TRAPPC10: variants seen among roughly 807,000 people sequenced by gnomAD.
TRAPPC10 encodes trafficking protein particle complex subunit 10, also known as TRAPP 130 kDa subunit.
TRAPPC10 carries 23 observed loss-of-function variants against 125.5 expected under a neutral mutation model. The observed-to-expected ratio is 0.18, with a 90% CI of 0.13 to 0.26. The LOEUF (loss-of-function observed/expected upper bound fraction) is 0.26. TRAPPC10 is among the 10% of genes least tolerant of loss of function. TRAPPC10 has a pLI of 1.00. For synonymous variants in TRAPPC10, 509 were observed against 518.0 expected, an observed-to-expected ratio of 0.98 and a Z score of 0.24; for missense variants, 1,123 against 1,308.4, an observed-to-expected ratio of 0.86 and a Z score of 2.19.
At chr21:44,022,620 C>T (rs142185237) in intron 1 of TRAPPC10, among the ~76,000 whole-genome samples, 20 of 151,920 alleles carry the variant, frequency 1.3e-4, no homozygotes, top group Non-Finnish European at 2.6e-4. Flanking sequence ...GGGCCTAAAA[C>T]GTTTCTTAAT....
chr21:44,054,094 G>A (rs188770098), intron 4 of TRAPPC10, among the ~76,000 whole-genome samples: 460 of 152,168 alleles, frequency 3.0e-3, no homozygotes, highest in South Asian at 5.8e-3. Context: ...AATAAATGTT[G>A]GTAATTATAA....
At chr21:44,047,532 A>ATGTGTGTGTG (rs33940679) in intron 3 of TRAPPC10, among the ~76,000 whole-genome samples, 3,588 of 142,828 alleles carry the variant, frequency 0.025, 77 homozygotes, top group African/African-American at 0.06. Context: ...CTGGGGGAGT[A>ATGTGTGTGTG]TGTGTGTGTG....
intron 4 of TRAPPC10, among the ~76,000 whole-genome samples, chr21:44,053,460 G>T (rs1194585368): frequency 1.3e-5 from 2 of 151,996 alleles, no homozygotes; most frequent in Non-Finnish European, 2.9e-5. Flanking sequence ...GTATTAATGT[G>T]CCGTAAGTTA....
intron 6 of TRAPPC10, among the ~76,000 whole-genome samples, chr21:44,060,757 T>C (rs974803341): frequency 3.4e-5 from 5 of 148,666 alleles, no homozygotes; most frequent in African/African-American, 1.2e-4. Flanking sequence ...CATGCCACCA[T>C]ACCTGGCTAA....
chr21:44,084,592 C>A (rs773167265), intron 15 of TRAPPC10, among the ~76,000 whole-genome samples: 5 of 152,130 alleles, frequency 3.3e-5, no homozygotes, highest in Non-Finnish European at 5.9e-5. Context: ...ATGCAGAGGA[C>A]TTCTGGGCCC....
rs974183463 is a variant in TRAPPC10, at chr21:44,087,063, C to G, written c.2539+103C>G. 1 of 1,364,910 alleles carries G rather than the reference C, an allele frequency of 7.3e-7. No individual in the cohort carries two copies. Among genetic ancestry groups the G allele is most frequent in the Non-Finnish European group, 1.0e-6 (1 of 994,062 alleles). The allele number at this position is 1,364,910 out of a possible 1,614,324, so 84.5% of individuals were successfully genotyped here. On this transcript the variant is annotated intron_variant, in intron 16 of 22. Transcript: ENST00000291574. The surrounding 1 kb of genome is among the most constrained non-coding windows in gnomAD (Gnocchi z 4.6). ...CTTGCTGCCATCCTGCTGAGCGCCC[C>G]TCAACAGTGTCTGGAGTCCGTGTTC... is the stretch of plus-strand genomic sequence containing the variant.
intron 1 of TRAPPC10, among the ~76,000 whole-genome samples, chr21:44,013,315 G>A (rs2031393302): frequency 6.6e-6 from 1 of 152,232 alleles, no homozygotes; most frequent in Non-Finnish European, 1.5e-5. Context: ...ACTCTCCAGA[G>A]TTAAATACGG....
intron 1 of TRAPPC10, among the ~76,000 whole-genome samples, chr21:44,031,340 C>T (rs1569149527): frequency 6.6e-6 from 1 of 152,084 alleles, no homozygotes; most frequent in Non-Finnish European, 1.5e-5. Context: ...TCTTTTTTAG[C>T]CGAAGTGTAA....
chr21:44,091,495 A>C (rs2038575255), intron 18 of TRAPPC10, among the ~76,000 whole-genome samples: 1 of 151,940 alleles, frequency 6.6e-6, no homozygotes, highest in Non-Finnish European at 1.5e-5. Context: ...GCTGGAGTGC[A>C]GTGGCGTGAT....
At chr21:44,055,183 C>T (rs1374706423) in intron 4 of TRAPPC10, among the ~76,000 whole-genome samples, 2 of 152,136 alleles carry the variant, frequency 1.3e-5, no homozygotes, top group African/African-American at 4.8e-5. Context: ...GATTCTATAG[C>T]AAACTCTCCT....
intron 7 of TRAPPC10, among the ~76,000 whole-genome samples, chr21:44,064,586 T>G (rs1437709452): frequency 6.6e-6 from 1 of 152,184 alleles, no homozygotes; most frequent in African/African-American, 2.4e-5. Context: ...TAAGATCTCC[T>G]GAGTGAGTGG....
chr21:44,086,156 G>A (rs529590078), intron 15 of TRAPPC10, among the ~76,000 whole-genome samples: 3 of 152,198 alleles, frequency 2.0e-5, no homozygotes, highest in Admixed American at 6.5e-5. Context: ...ATGGCCCAGC[G>A]GCTGCAGTGC....
chr21:44,044,788 GA>G, intron 3 of TRAPPC10, among the ~76,000 whole-genome samples: 1 of 147,262 alleles, frequency 6.8e-6, no homozygotes, highest in East Asian at 2.0e-4. Context: ...CTCAGCCTCT[GA>G]AGTAGCTGAG....
At chr21:44,014,548 G>A (rs986452364) in intron 1 of TRAPPC10, among the ~76,000 whole-genome samples, 1 of 151,800 alleles carries the variant, frequency 6.6e-6, no homozygotes, top group Non-Finnish European at 1.5e-5. Flanking sequence ...TGGGATTACA[G>A]GCGCATGCTG....
chr21:44,043,440 C>T (rs945806275), intron 3 of TRAPPC10, among the ~76,000 whole-genome samples: 32 of 152,082 alleles, frequency 2.1e-4, no homozygotes, highest in African/African-American at 7.7e-4. Context: ...TCTCAAACTC[C>T]TGACCTCGTG....
rs1038927957 is a variant in TRAPPC10, at chr21:44,074,477, A to G, written c.1185+7A>G. 6 of 1,613,980 alleles carry G rather than the reference A, an allele frequency of 3.7e-6. No individual in the cohort carries two copies. The South Asian group carries it at 4.4e-5, about 12-fold the overall frequency. On this transcript the variant is annotated splice_region_variant and intron_variant, in intron 8 of 22. Coordinates refer to ENST00000291574, the MANE Select transcript of TRAPPC10 (RefSeq NM_003274.5). ...GAGCTATGCCACAGAAAAGGTGCCT[A>G]CCTGCCCAAGTGTGGAATGCTCACG...
chr21:44,076,385 T>C (rs943682003), intron 9 of TRAPPC10, among the ~76,000 whole-genome samples, 167 bp from the exon 10 acceptor site: 4 of 152,236 alleles, frequency 2.6e-5, no homozygotes, highest in African/African-American at 9.6e-5. Context: ...AATATGTGAA[T>C]TGAAAGAGAA....
rs567593003 is a variant in TRAPPC10, at chr21:44,093,534, G to C, written c.2998-529G>C. 1.3e-4 allele frequency among the ~76,000 whole-genome samples: 20 copies of C among 152,214 alleles called. No homozygotes were observed. The South Asian group carries it at 4.1e-3, about 32-fold the overall frequency. On this transcript the variant is annotated intron_variant, in intron 19 of 22. Coordinates refer to ENST00000291574, the MANE Select transcript of TRAPPC10 (RefSeq NM_003274.5). ...GCACTTTGGGAGGCCGAGGCAGGTG[G>C]ATTGCCTGAGCTCAGGAATTCAAGA...
Position 44,059,447 on chromosome 21 carries a change from A to C in TRAPPC10, c.790+233A>C, listed in dbSNP as rs770654450. ...TAAGTAACAAAAATAATAATAATTT[A>C]AAAAAACTGTTTTCCAGGTATAAAA... is the stretch of plus-strand genomic sequence containing the variant. On this transcript the variant is annotated intron_variant, in intron 6 of 22. Coordinates refer to ENST00000291574, the MANE Select transcript of TRAPPC10 (RefSeq NM_003274.5). The surrounding 1 kb of genome is among the most constrained non-coding windows in gnomAD (Gnocchi z 4.4). The C allele has an allele frequency of 4.2e-6, 3 of 715,706 alleles. No individual in the cohort carries two copies. The highest frequency in any genetic ancestry group is 2.3e-4 in the Middle Eastern group (1 of 4,300). 44.3% of individuals were successfully genotyped at this position (715,706 alleles called of 1,614,324 possible). A position where few individuals can be genotyped will look rare whatever the true frequency, so the allele number is the denominator to read the frequency against.
Sources: gnomAD v4.1 joint callset for allele counts (sites outside exome capture counted in the v4.1 genomes callset) on GRCh38, gnomAD v4.1.1 for gene constraint, Gnocchi (gnomAD v3.1) non-coding constraint, MANE v1.5 for transcripts, NCBI Gene and HGNC (gene_info 2026-07-23, HGNC 2026-07-21) for gene names.